Variants in KCNQ1 observed in about 807,000 individuals in gnomAD.
KCNQ1 encodes potassium voltage-gated channel subfamily Q member 1, also known as potassium voltage-gated channel subfamily KQT member 1.
KCNQ1 carries 49 observed loss-of-function variants against 72.4 expected under a neutral mutation model. That is an observed-to-expected ratio of 0.68 (90% CI 0.54 to 0.86). KCNQ1 has a LOEUF of 0.86. Ranked by LOEUF, KCNQ1 falls within the 40% of genes least tolerant of loss-of-function variation. The pLI, the probability that KCNQ1 is intolerant of heterozygous loss-of-function variation, is 0.00. For synonymous variants in KCNQ1, 450 were observed against 412.6 expected, an observed-to-expected ratio of 1.09 and a Z score of -1.10; for missense variants, 790 against 945.1, an observed-to-expected ratio of 0.84 and a Z score of 2.15.
In KCNQ1 at chr11:2,565,490, T is replaced by A. The variant is rs965334052; in HGVS notation, c.478-5138T>A. 1.3e-5 allele frequency among the ~76,000 whole-genome samples: 2 copies of A among 152,180 alleles called. No homozygotes were observed. The highest frequency in any genetic ancestry group is 2.1e-4 in the South Asian group (1 of 4,826). On this transcript the variant is annotated intron_variant, in intron 2 of 15. Transcript: ENST00000155840. The surrounding 1 kb of genome is among the most constrained non-coding windows in gnomAD (Gnocchi z 5.6). ...TGAGTTGTTAGGAACTTTGGTTTTT[T>A]AAATAATTTTAAAGCACACAAATAA...
intron 11 of KCNQ1, chr11:2,699,614 A>AGAGACCCGCGCCGAAGAACCCCCGGG (rs1850746506): frequency 8.6e-6 from 2 of 231,568 alleles, no homozygotes; most frequent in South Asian, 3.3e-4. Flanking sequence ...AGGCCCCCGG[A>AGAGACCCGCGCCGAAGAACCCCCGGG]GAGAACCGCG....
intron 10 of KCNQ1, among the ~76,000 whole-genome samples, chr11:2,604,764 C>T (rs1208226205): frequency 6.6e-6 from 1 of 152,002 alleles, no homozygotes; most frequent in Non-Finnish European, 1.5e-5. Context: ...GAGATGGTCT[C>T]GATCTCCTGA....
intron 10 of KCNQ1, chr11:2,629,517 G>C (rs543135918): frequency 5.0e-6 from 2 of 398,390 alleles, no homozygotes; most frequent in South Asian, 2.5e-4. Flanking sequence ...TATGGAGTTA[G>C]GTAAAGGTCT....
intron 10 of KCNQ1, chr11:2,632,114 C>G (rs1051981082): frequency 2.6e-6 from 1 of 384,782 alleles, no homozygotes; most frequent in African/African-American, 2.2e-5. Context: ...ACTCGGGAGG[C>G]AGAGCTTGCA....
Position 2,515,925 on chromosome 11 carries a change from G to T in KCNQ1, c.387-12003G>T, listed in dbSNP as rs115336505. Among the ~76,000 whole-genome samples the T allele has an allele frequency of 0.022, 3,373 of 151,912 alleles. 105 individuals are homozygous for T. The highest frequency in any genetic ancestry group is 0.07 in the African/African-American group (2,904 of 41,412). ...CAGAGCCTGGCCACCCCTGTCCTCTGCTGAGGCCCTGACCACCTCTATGTG... is the reference window on the plus strand; with the variant it reads ...CAGAGCCTGGCCACCCCTGTCCTCTTCTGAGGCCCTGACCACCTCTATGTG... On this transcript the variant is annotated intron_variant, in intron 1 of 15. Coordinates refer to ENST00000155840, the MANE Select transcript of KCNQ1 (RefSeq NM_000218.3). The surrounding 1 kb of genome is among the most constrained non-coding windows in gnomAD (Gnocchi z 4.7).
In KCNQ1 at chr11:2,657,429, TTAGA is replaced by T. The variant is rs1330926850; in HGVS notation, c.1394-4529_1394-4526del. 3 of 398,446 alleles carry T rather than the reference TTAGA, an allele frequency of 7.5e-6. No homozygotes were observed. Among genetic ancestry groups the T allele is most frequent in the African/African-American group, 4.1e-5 (2 of 48,634 alleles). The allele number at this position is 398,446 out of a possible 1,614,324, so 24.7% of individuals were successfully genotyped here. On this transcript the variant is annotated intron_variant, in intron 10 of 15. Transcript: ENST00000155840. The surrounding 1 kb of genome is among the most constrained non-coding windows in gnomAD (Gnocchi z 4.8). ...CTCCAGAGTTCTTGCATATACTTAG[TTAGA>T]TAATTAATATTCTTTTGTGCTATTG...
chr11:2,630,892 G>T (rs999215164), intron 10 of KCNQ1: 1 of 398,324 alleles, frequency 2.5e-6, no homozygotes, highest in Non-Finnish European at 4.4e-6. Context: ...TCAGAACTTT[G>T]AATATATAAT....
intron 15 of KCNQ1, among the ~76,000 whole-genome samples, chr11:2,800,018 G>A (rs373492414): frequency 2.0e-4 from 31 of 152,294 alleles, no homozygotes; most frequent in African/African-American, 3.1e-4. Context: ...GCATGGTGCC[G>A]GCTCAGCCAC....
intron 11 of KCNQ1, among the ~76,000 whole-genome samples, chr11:2,706,399 A>G (rs1353271464): frequency 6.6e-6 from 1 of 152,150 alleles, no homozygotes; most frequent in Non-Finnish European, 1.5e-5. Flanking sequence ...TTGGGAGTGG[A>G]TCCTCCAGCC....
rs1847134578 is a variant in KCNQ1 at position 2,508,128 on chromosome 11, C to T, written c.387-19800C>T. ...CAGCAGGGGTCTGTGTTGCCTTGGC[C>T]CCACGGCAGTGGAGCTGGGGTTTCC... On this transcript the variant is annotated intron_variant, in intron 1 of 15. Coordinates refer to ENST00000155840, the MANE Select transcript of KCNQ1 (RefSeq NM_000218.3). This position sits in a 1 kb window ranked among gnomAD's most constrained non-coding sequence, Gnocchi z 6.2. Among the ~76,000 whole-genome samples the T allele has an allele frequency of 6.6e-6, 1 of 152,106 alleles. No homozygotes were observed. Among genetic ancestry groups the T allele is most frequent in the African/African-American group, 2.4e-5 (1 of 41,442 alleles).
In KCNQ1 at chr11:2,734,313, G is replaced by C. The variant is rs1452324486; in HGVS notation, c.1515-34531G>C. On this transcript the variant is annotated intron_variant, in intron 11 of 15. Coordinates refer to ENST00000155840, the MANE Select transcript of KCNQ1 (RefSeq NM_000218.3). The surrounding 1 kb of genome is among the most constrained non-coding windows in gnomAD (Gnocchi z 7.0). ...GGGGTGGCCAAAAGGCGCCTAGAAGGCTGGACTTTCCGTGAGGTGGCGGGG... is the reference window on the plus strand; with the variant it reads ...GGGGTGGCCAAAAGGCGCCTAGAAGCCTGGACTTTCCGTGAGGTGGCGGGG... Among the ~76,000 whole-genome samples the C allele has an allele frequency of 6.6e-6, 1 of 152,370 alleles. No homozygotes were observed. Among genetic ancestry groups the C allele is most frequent in the South Asian group, 2.1e-4 (1 of 4,834 alleles).
rs939664291 is a variant in KCNQ1 at position 2,536,323 on chromosome 11, T to C, written c.477+8305T>C. ...ACACACCATCCGCACTGCCTGCGGC[T>C]CTTACAGGAGTCTCTCGTGCACCAT... is the stretch of plus-strand genomic sequence containing the variant. On this transcript the variant is annotated intron_variant, in intron 2 of 15. Transcript: ENST00000155840. This position sits in a 1 kb window ranked among gnomAD's most constrained non-coding sequence, Gnocchi z 7.4. Among the ~76,000 whole-genome samples the C allele has an allele frequency of 1.3e-5, 2 of 152,100 alleles. No homozygotes were observed. The highest frequency in any genetic ancestry group is 4.1e-4 in the South Asian group (2 of 4,830).
At chr11:2,757,433 C>T (rs989381684) in intron 11 of KCNQ1, among the ~76,000 whole-genome samples, 5 of 152,166 alleles carry the variant, frequency 3.3e-5, no homozygotes, top group African/African-American at 4.8e-5. Flanking sequence ...AGACCTAAAT[C>T]AATGGAGAGA....
intron 11 of KCNQ1, among the ~76,000 whole-genome samples, chr11:2,700,752 C>T (rs1027288687): frequency 1.3e-5 from 2 of 152,076 alleles, no homozygotes; most frequent in Admixed American, 1.3e-4. Context: ...TGCCAGCGCC[C>T]GGCCGGGCCC....
chr11:2,798,328 A>G (rs1847180714), intron 15 of KCNQ1, among the ~76,000 whole-genome samples: 1 of 152,156 alleles, frequency 6.6e-6, no homozygotes, highest in South Asian at 2.1e-4. Flanking sequence ...CTGCAGACCT[A>G]GCTAGTTGCC....
Position 2,768,484 on chromosome 11 carries a change from G to A in KCNQ1, c.1515-360G>A, listed in dbSNP as rs1159223812. ...CCCTCTTATCCCATTTGCTGACAAG[G>A]ATCCTGAAGGCCCAAGCATAGAAAG... On this transcript the variant is annotated intron_variant, in intron 11 of 15. Coordinates refer to ENST00000155840, the MANE Select transcript of KCNQ1 (RefSeq NM_000218.3). The surrounding 1 kb of genome is among the most constrained non-coding windows in gnomAD (Gnocchi z 6.7). Among the ~76,000 whole-genome samples the A allele has an allele frequency of 1.3e-5, 2 of 152,142 alleles. No individual in the cohort carries two copies. The highest frequency in any genetic ancestry group is 2.9e-5 in the Non-Finnish European group (2 of 68,036).
At position 2,673,052 on chromosome 11, in the gene KCNQ1, G is replaced by A. The variant is rs753809652; in HGVS notation, c.1514+10971G>A. On this transcript the variant is annotated intron_variant, in intron 11 of 15. Transcript: ENST00000155840. This position sits in a 1 kb window ranked among gnomAD's most constrained non-coding sequence, Gnocchi z 4.5. ...ATAGGGTCTAGGGCTGGCCAAAAGGGACAGTGAAGTTGGCTTCTCAGGCCA... is the reference window on the plus strand; with the variant it reads ...ATAGGGTCTAGGGCTGGCCAAAAGGAACAGTGAAGTTGGCTTCTCAGGCCA... The A allele has an allele frequency of 1.5e-5, 6 of 398,812 alleles. No individual in the cohort carries two copies. The highest frequency in any genetic ancestry group is 2.7e-5 in the Non-Finnish European group (6 of 226,200). 24.7% of individuals were successfully genotyped at this position (398,812 alleles called of 1,614,324 possible).
chr11:2,781,814 AG>A lies in KCNQ1; in HGVS notation c.1794+3781del, dbSNP rs1846827555. ...ATGTTCATGGCTGAGAGCCGGACAC[AG>A]GGGAGTCCTGGGTTTCCATGCCGCA... is the stretch of plus-strand genomic sequence containing the variant. On this transcript the variant is annotated intron_variant, in intron 15 of 15. Transcript: ENST00000155840. This position sits in a 1 kb window ranked among gnomAD's most constrained non-coding sequence, Gnocchi z 6.6. 6.6e-6 allele frequency among the ~76,000 whole-genome samples: 1 copy of A among 152,100 alleles called. No homozygotes were observed. Among genetic ancestry groups the A allele is most frequent in the Non-Finnish European group, 1.5e-5 (1 of 67,986 alleles).
At position 2,797,568 on chromosome 11, in the gene KCNQ1, G is replaced by T. The variant is rs1467112406; in HGVS notation, c.1794+19531G>T. ...CTGCGTACCCACCACCCTTGCTCCG[G>T]AGCTCGAGGGCCCTTTCCCCACTAG... On this transcript the variant is annotated intron_variant, in intron 15 of 15. Transcript: ENST00000155840. 5.3e-5 allele frequency among the ~76,000 whole-genome samples: 8 copies of T among 152,100 alleles called. No individual in the cohort carries two copies. In the East Asian group the frequency reaches 1.6e-3, roughly 30 times the overall value.
Sources: gnomAD v4.1 joint callset for allele counts (sites outside exome capture counted in the v4.1 genomes callset) on GRCh38, gnomAD v4.1.1 for gene constraint, Gnocchi (gnomAD v3.1) non-coding constraint, MANE v1.5 for transcripts, NCBI Gene and HGNC (gene_info 2026-07-23, HGNC 2026-07-21) for gene names.